LOXHD1: variants seen among roughly 807,000 people sequenced by gnomAD.
The protein encoded by LOXHD1 is lipoxygenase homology PLAT domains 1.
A neutral mutation model predicts 248.2 loss-of-function variants in LOXHD1; 205 were observed. The ratio of observed to expected loss-of-function variants is 0.83; its 90% CI spans 0.74 to 0.93. The LOEUF (loss-of-function observed/expected upper bound fraction) is 0.93, where lower values mean the gene tolerates loss of function less well. Among genes scored for constraint, LOXHD1 ranks in the 40% least tolerant of loss-of-function variants. The pLI is 0.00. For synonymous variants in LOXHD1, 1,113 were observed against 1,162.8 expected (o/e 0.96, Z 0.87); for missense variants, 2,930 against 2,971.6 (o/e 0.99, Z 0.33).
downstream of LOXHD1, chr18:46,477,007 A>G: frequency 5.1e-6 from 3 of 587,234 alleles, no homozygotes; most frequent in Non-Finnish European, 3.0e-6. Flanking sequence ...ACTGGGGAAA[A>G]GTATACACTT....
intron 5 of LOXHD1, among the ~76,000 whole-genome samples, chr18:46,613,925 G>C (rs749538376): frequency 6.6e-6 from 1 of 152,006 alleles, no homozygotes; most frequent in Non-Finnish European, 1.5e-5. Context: ...TTATCAATTT[G>C]GTGTGCTAAT....
chr18:46,594,685 T>G (rs543563012), intron 8 of LOXHD1, among the ~76,000 whole-genome samples: 1 of 152,210 alleles, frequency 6.6e-6, no homozygotes, highest in Non-Finnish European at 1.5e-5. Context: ...CAATTAGCTA[T>G]TCAAATCTCA....
At position 46,604,157 on chromosome 18, in the gene LOXHD1, C is replaced by A. The variant is rs552769486; in HGVS notation, c.832G>T (p.Asp278Tyr). The change falls in exon 7 of 41, where the codon GAC becomes TAC. Residue 278 changes from aspartate to tyrosine, a missense_variant. Transcript: ENST00000642948. ...PLNRWLALDE[D>Y]DGKIQRDILV... ...ATATCCCTTTGGATTTTGCCATCGT[C>A]TTCGTCCAAGGCCAGCCAGCGGTTA... 28 of 1,551,766 alleles carry A rather than the reference C, an allele frequency of 1.8e-5. No individual in the cohort carries two copies. The South Asian group carries it at 3.1e-4, about 17-fold the overall frequency.
chr18:46,537,508 G>A (rs1331370345), intron 26 of LOXHD1, among the ~76,000 whole-genome samples: 1 of 152,166 alleles, frequency 6.6e-6, no homozygotes, highest in African/African-American at 2.4e-5. Flanking sequence ...GGCAGGATCT[G>A]AGCTCTCCCC....
chr18:46,491,599 A>G (rs2033481677), intron 37 of LOXHD1, among the ~76,000 whole-genome samples: 1 of 152,230 alleles, frequency 6.6e-6, no homozygotes, highest in African/African-American at 2.4e-5. Flanking sequence ...TGAGTATGCT[A>G]GTGGAGGAGG....
At chr18:46,477,978 G>T in intron 40 of LOXHD1, 26 bp from the exon 41 acceptor site, 1 of 1,538,878 alleles carries the variant, frequency 6.5e-7, no homozygotes, top group Non-Finnish European at 8.8e-7. Flanking sequence ...GAGAGTGGAG[G>T]GGTAGGGGCT....
At chr18:46,537,577 G>GTGCA in intron 26 of LOXHD1, among the ~76,000 whole-genome samples, 2 of 152,300 alleles carry the variant, frequency 1.3e-5, no homozygotes, top group South Asian at 2.1e-4. Context: ...CAGGCACAGT[G>GTGCA]TGCATGCACT....
chr18:46,619,741 C>G (rs1001942587), intron 4 of LOXHD1, among the ~76,000 whole-genome samples: 3 of 152,228 alleles, frequency 2.0e-5, no homozygotes, highest in African/African-American at 7.2e-5. Context: ...GGACAGCCCA[C>G]ACACAGCCCC....
At chr18:46,544,681 C>T (rs954248857) in intron 23 of LOXHD1, 1 of 376,220 alleles carries the variant, frequency 2.7e-6, no homozygotes, top group African/African-American at 2.1e-5. Flanking sequence ...TGCCCAATGT[C>T]ACACAGCTAA....
chr18:46,594,672 T>C (rs1232014274), intron 8 of LOXHD1, among the ~76,000 whole-genome samples: 1 of 152,232 alleles, frequency 6.6e-6, no homozygotes, highest in East Asian at 1.9e-4. Context: ...ATCACCCATC[T>C]TCCAATTAGC....
intron 6 of LOXHD1, among the ~76,000 whole-genome samples, chr18:46,610,096 C>G (rs1250037260): frequency 6.6e-6 from 1 of 152,130 alleles, no homozygotes; most frequent in East Asian, 1.9e-4. Flanking sequence ...TATAAGCAAG[C>G]AGGGTTCTAA....
chr18:46,609,727 G>T (rs923906295), intron 6 of LOXHD1, among the ~76,000 whole-genome samples: 1 of 151,908 alleles, frequency 6.6e-6, no homozygotes, highest in South Asian at 2.1e-4. Context: ...TACTGTTCTC[G>T]ATAACACTAC....
At chr18:46,597,820 A>G (rs1182861446) in intron 8 of LOXHD1, among the ~76,000 whole-genome samples, 1 of 151,382 alleles carries the variant, frequency 6.6e-6, no homozygotes, top group African/African-American at 2.4e-5. Flanking sequence ...GCAGTGGCGC[A>G]ATCTCAGCGC....
intron 38 of LOXHD1, among the ~76,000 whole-genome samples, chr18:46,487,349 G>A (rs925731635): frequency 3.3e-5 from 5 of 152,186 alleles, no homozygotes; most frequent in African/African-American, 1.2e-4. Context: ...AGAGGGAAAG[G>A]GGCAGGATGC....
intron 5 of LOXHD1, among the ~76,000 whole-genome samples, chr18:46,616,233 T>C (rs917645992): frequency 2.6e-5 from 4 of 152,208 alleles, no homozygotes; most frequent in African/African-American, 9.6e-5. Context: ...CTTCCTTCGA[T>C]TGGATTGATT....
Position 46,533,248 on chromosome 18 carries a change from A to T in LOXHD1, c.4289T>A (p.Leu1430Gln). Residue 1430 changes from leucine (L) to glutamine (Q), a missense_variant, in exon 28 of 41, where the codon CTG becomes CAG. By Grantham distance (113) the Leu-to-Gln change is moderately radical. Coordinates refer to ENST00000642948, the MANE Select transcript of LOXHD1 (RefSeq NM_001384474.1). ...SEDDKKTIRE[L>Q]VPYDIFTEKY... is the part of the protein sequence containing the mutation. ...CTCAGTGAAGATGTCATATGGAACC[A>T]GTTCTCGAATGGTCTTTTTGTCATC... 1.9e-6 allele frequency: 3 copies of T among 1,551,726 alleles called. No individual in the cohort carries two copies. Among genetic ancestry groups the T allele is most frequent in the Non-Finnish European group, 2.6e-6 (3 of 1,147,012 alleles).
At chr18:46,561,289 G>A (rs1218732427) in intron 18 of LOXHD1, among the ~76,000 whole-genome samples, 3 of 152,044 alleles carry the variant, frequency 2.0e-5, no homozygotes, top group Non-Finnish European at 4.4e-5. Context: ...CCTTAAAGGC[G>A]GAGACCATCA....
chr18:46,594,153 CTG>C (rs2038221055), intron 9 of LOXHD1, among the ~76,000 whole-genome samples, 176 bp downstream of exon 9: 1 of 152,074 alleles, frequency 6.6e-6, no homozygotes, highest in Non-Finnish European at 1.5e-5. Flanking sequence ...TCTATATGGC[CTG>C]TACTTTGGAG....
chr18:46,595,779 C>A (rs77855874), intron 8 of LOXHD1, among the ~76,000 whole-genome samples: 2 of 152,198 alleles, frequency 1.3e-5, no homozygotes, highest in Admixed American at 6.5e-5. Context: ...TAATCACCAA[C>A]AATTTATTTA....
Sources: gnomAD v4.1 joint callset for allele counts (sites outside exome capture counted in the v4.1 genomes callset) on GRCh38, gnomAD v4.1.1 for gene constraint, MANE v1.5 for transcripts, NCBI Gene and HGNC (gene_info 2026-07-23, HGNC 2026-07-21) for gene names.